MAGI2: variants seen among roughly 807,000 people sequenced by gnomAD.
The protein encoded by MAGI2 is membrane-associated guanylate kinase, WW and PDZ domain-containing protein 2.
In MAGI2, 35 loss-of-function variants were observed where a neutral mutation model predicts 133.3. The ratio of observed to expected loss-of-function variants is 0.26; its 90% confidence interval spans 0.20 to 0.35. The LOEUF is 0.35. Ranked by LOEUF, MAGI2 falls within the 10% of genes least tolerant of loss-of-function variation. The pLI is 1.00. For missense variants in MAGI2, 1,636 were observed against 1,863.4 expected, an observed-to-expected ratio of 0.88 and a Z score of 2.25; for synonymous variants, 729 against 710.6, an observed-to-expected ratio of 1.03 and a Z score of -0.41.
chr7:78,777,958 A>G (rs1036471633), intron 2 of MAGI2, among the ~76,000 whole-genome samples: 1 of 152,186 alleles, frequency 6.6e-6, no homozygotes, highest in African/African-American at 2.4e-5. Flanking sequence ...TATGCTTCAT[A>G]TGACTGAAAG....
intron 21 of MAGI2, chr7:78,078,631 C>CTGACTGATATT: frequency 2.1e-6 from 1 of 476,942 alleles, no homozygotes; most frequent in South Asian, 3.8e-5. Flanking sequence ...CAAATTGTAA[C>CTGACTGATATT]AGTTCTAATA....
At chr7:78,760,368 T>A (rs981820029) in intron 2 of MAGI2, among the ~76,000 whole-genome samples, 2 of 147,472 alleles carry the variant, frequency 1.4e-5, no homozygotes, top group African/African-American at 5.2e-5. Context: ...TCTCTTTTTT[T>A]TTTTTTTTTT....
At chr7:78,544,697 C>G (rs1227578982) in intron 3 of MAGI2, among the ~76,000 whole-genome samples, 2 of 152,100 alleles carry the variant, frequency 1.3e-5, no homozygotes, top group African/African-American at 2.4e-5. Context: ...TTCATTTTAA[C>G]AAGACCCTCA....
chr7:78,651,971 G>A (rs1043317454), intron 2 of MAGI2, among the ~76,000 whole-genome samples: 3 of 147,572 alleles, frequency 2.0e-5, no homozygotes, highest in African/African-American at 7.5e-5. Flanking sequence ...AAACACCATT[G>A]AAACATCAGA....
chr7:78,171,538 T>G (rs941596429), intron 14 of MAGI2, among the ~76,000 whole-genome samples: 1 of 152,198 alleles, frequency 6.6e-6, no homozygotes, highest in South Asian at 2.1e-4. Context: ...AAGGCTCTGA[T>G]TCTTCTCACT....
At chr7:78,313,282 G>A (rs926802714) in intron 9 of MAGI2, among the ~76,000 whole-genome samples, 1 of 151,906 alleles carries the variant, frequency 6.6e-6, no homozygotes, top group African/African-American at 2.4e-5. Context: ...CCAGAAGCCC[G>A]GATTTCACCA....
At chr7:78,079,932 T>A (rs1008904948) in intron 20 of MAGI2, among the ~76,000 whole-genome samples, 5 of 152,206 alleles carry the variant, frequency 3.3e-5, no homozygotes, top group Non-Finnish European at 5.9e-5. Flanking sequence ...AAATGTCTCA[T>A]CTCAGTGCAA....
chr7:79,401,468 A>G (rs1355896302), intron 1 of MAGI2, among the ~76,000 whole-genome samples: 2 of 152,188 alleles, frequency 1.3e-5, no homozygotes, highest in African/African-American at 4.8e-5. Context: ...TCATTTTCTA[A>G]CACGTTACTG....
At chr7:79,237,336 T>C (rs1832012628) in intron 1 of MAGI2, among the ~76,000 whole-genome samples, 1 of 152,030 alleles carries the variant, frequency 6.6e-6, no homozygotes, top group African/African-American at 2.4e-5. Flanking sequence ...CTACTAAAAA[T>C]ACAAAAAATT....
chr7:78,513,148 G>T (rs1795748672), intron 4 of MAGI2, among the ~76,000 whole-genome samples: 1 of 151,910 alleles, frequency 6.6e-6, no homozygotes, highest in African/African-American at 2.4e-5. Flanking sequence ...CAGGAGCATA[G>T]TATTATATAA....
chr7:79,115,112 G>C (rs533831165), intron 1 of MAGI2, among the ~76,000 whole-genome samples: 1 of 152,278 alleles, frequency 6.6e-6, no homozygotes, highest in African/African-American at 2.4e-5. Flanking sequence ...AGGATCGGGG[G>C]AGGAAGGATA....
chr7:78,131,339 C>T (rs1416433717), intron 18 of MAGI2, among the ~76,000 whole-genome samples: 1 of 152,208 alleles, frequency 6.6e-6, no homozygotes, highest in Non-Finnish European at 1.5e-5. Context: ...GACAATCAGA[C>T]ATTTACTTTT....
intron 10 of MAGI2, among the ~76,000 whole-genome samples, chr7:78,203,369 T>A (rs1375890152): frequency 6.6e-6 from 1 of 152,210 alleles, no homozygotes; most frequent in Non-Finnish European, 1.5e-5. Flanking sequence ...TGTATAATCA[T>A]CTACCGTCTC....
At chr7:78,541,082 C>T (rs1378337916) in intron 3 of MAGI2, among the ~76,000 whole-genome samples, 2 of 152,202 alleles carry the variant, frequency 1.3e-5, no homozygotes, top group African/African-American at 4.8e-5. Context: ...TTCTATCTGT[C>T]CAAGGGGCTG....
Position 79,342,942 on chromosome 7 carries a change from T to G in MAGI2, c.301+110078A>C, listed in dbSNP as rs568568771. 3.3e-5 allele frequency among the ~76,000 whole-genome samples: 5 copies of G among 151,952 alleles called. No homozygotes were observed. In the South Asian group the frequency reaches 1.0e-3, roughly 32 times the overall value. On this transcript the variant is annotated intron_variant, in intron 1 of 21. Transcript: ENST00000354212. ...GCCTGGCTATTTTTTTGTATTGTTT[T>G]TAGTAGAAAGGGGGTTTCACCATGT...
intron 9 of MAGI2, among the ~76,000 whole-genome samples, chr7:78,340,257 T>G (rs1437286732): frequency 6.8e-6 from 1 of 147,800 alleles, no homozygotes; most frequent in African/African-American, 2.5e-5. Context: ...ATAATAGTAT[T>G]CTAAGGAATT....
intron 20 of MAGI2, among the ~76,000 whole-genome samples, chr7:78,095,159 A>G (rs1563114408): frequency 6.6e-6 from 1 of 152,232 alleles, no homozygotes; most frequent in Non-Finnish European, 1.5e-5. Flanking sequence ...ACATCAAGGA[A>G]GACAAGATTT....
At chr7:78,177,432 A>C (rs796909693) in intron 14 of MAGI2, among the ~76,000 whole-genome samples, 4 of 101,244 alleles carry the variant, frequency 4.0e-5, no homozygotes, top group East Asian at 2.3e-4. Context: ...ACACACACAC[A>C]CACACACACA....
intron 2 of MAGI2, among the ~76,000 whole-genome samples, chr7:78,822,530 T>C (rs372572902): frequency 1.3e-5 from 2 of 152,168 alleles, no homozygotes; most frequent in African/African-American, 4.8e-5. Context: ...TTTTCTTGCC[T>C]TCCTTCTTTT....
Sources: gnomAD v4.1 joint callset for allele counts (sites outside exome capture counted in the v4.1 genomes callset) on GRCh38, gnomAD v4.1.1 for gene constraint, MANE v1.5 for transcripts, NCBI Gene and HGNC (gene_info 2026-07-23, HGNC 2026-07-21) for gene names.